Variants in SCHIP1 observed in about 807,000 individuals in gnomAD.
SCHIP1 encodes schwannomin-interacting protein 1.
Under a neutral mutation model 29.7 loss-of-function variants are expected in SCHIP1, and 8 were observed. That is an observed-to-expected ratio of 0.27 (90% CI 0.16 to 0.49). The LOEUF (loss-of-function observed/expected upper bound fraction) is 0.49, where lower values mean the gene tolerates loss of function less well. SCHIP1 is among the 20% of genes least tolerant of loss of function. SCHIP1 has a pLI of 0.99. For synonymous variants in SCHIP1, 76 were observed against 94.9 expected (o/e 0.80, Z 1.16); for missense variants, 193 against 294.6 (o/e 0.66, Z 2.52).
the SCHIP1 span, among the ~76,000 whole-genome samples, chr3:159,335,534 C>T: frequency 3.0e-4 from 45 of 152,248 alleles, no homozygotes; most frequent in African/African-American, 1.0e-3. Context: ...GGATGTTCCC[C>T]TTCCTGTGTC....
the SCHIP1 span, among the ~76,000 whole-genome samples, chr3:159,370,270 C>T: frequency 6.6e-6 from 1 of 152,164 alleles, no homozygotes; most frequent in Non-Finnish European, 1.5e-5. Context: ...CTCAGCCATG[C>T]TGGCCTCCAA....
the SCHIP1 span, among the ~76,000 whole-genome samples, chr3:159,360,905 C>A: frequency 1.3e-5 from 2 of 152,164 alleles, no homozygotes; most frequent in South Asian, 4.1e-4. Flanking sequence ...AAGAAGTGCT[C>A]CATCAGCTGC....
At chr3:159,295,913 A>G in the SCHIP1 span, among the ~76,000 whole-genome samples, 2 of 152,208 alleles carry the variant, frequency 1.3e-5, no homozygotes, top group Non-Finnish European at 2.9e-5. Flanking sequence ...TAATGTACAC[A>G]TATATGTCAA....
intron 1 of SCHIP1, among the ~76,000 whole-genome samples, chr3:159,856,197 C>T (rs549753869): frequency 6.6e-6 from 1 of 152,248 alleles, no homozygotes; most frequent in East Asian, 1.9e-4. Context: ...TGTCCTCATC[C>T]ATTCCACCAT....
At chr3:159,626,974 C>G in the SCHIP1 span, among the ~76,000 whole-genome samples, 1 of 152,184 alleles carries the variant, frequency 6.6e-6, no homozygotes, top group East Asian at 1.9e-4. Context: ...ATCAACCCAT[C>G]ATCTAGGTTT....
chr3:159,626,180 CTAGATAGATAGATAGA>C, the SCHIP1 span, among the ~76,000 whole-genome samples: 2 of 92,330 alleles, frequency 2.2e-5, no homozygotes, highest in South Asian at 3.0e-4. Context: ...ATCTATCTAT[CTAGATAGATAGATAGA>C]TAGATAGATA....
At chr3:159,487,918 G>A in the SCHIP1 span, among the ~76,000 whole-genome samples, 142 of 152,260 alleles carry the variant, frequency 9.3e-4, 1 homozygote, top group African/African-American at 3.3e-3. Flanking sequence ...ATGATAATTA[G>A]ACTTTATCTT....
the SCHIP1 span, among the ~76,000 whole-genome samples, chr3:159,428,874 T>C: frequency 5.3e-4 from 80 of 152,270 alleles, no homozygotes; most frequent in Non-Finnish European, 4.9e-4. Flanking sequence ...CCATAAAAAG[T>C]GATGAGTTCA....
the SCHIP1 span, among the ~76,000 whole-genome samples, chr3:159,821,097 AG>A: frequency 6.6e-6 from 1 of 152,248 alleles, no homozygotes; most frequent in Non-Finnish European, 1.5e-5. Context: ...GCAAAGGAGA[AG>A]CCTTTAATGA....
chr3:159,372,958 A>T, the SCHIP1 span, among the ~76,000 whole-genome samples: 2 of 151,980 alleles, frequency 1.3e-5, no homozygotes, highest in Admixed American at 6.6e-5. Context: ...AAGTTTGCTG[A>T]CTCCTGCTTT....
chr3:159,698,894 C>T, the SCHIP1 span, among the ~76,000 whole-genome samples: 15 of 152,238 alleles, frequency 9.9e-5, no homozygotes, highest in East Asian at 1.5e-3. Flanking sequence ...GATCTGCCTG[C>T]GTCGGCCTCC....
At chr3:159,664,380 G>A in the SCHIP1 span, among the ~76,000 whole-genome samples, 7 of 151,608 alleles carry the variant, frequency 4.6e-5, no homozygotes, top group South Asian at 2.1e-4. Context: ...TTAAGATTAC[G>A]GATTTTTTTA....
chr3:159,716,789 G>A, the SCHIP1 span, among the ~76,000 whole-genome samples: 5 of 152,064 alleles, frequency 3.3e-5, no homozygotes, highest in Non-Finnish European at 4.4e-5. Context: ...CAATAATAAC[G>A]GGAGACTTTA....
intron 6 of SCHIP1, chr3:159,892,447 G>C (rs1717636258): frequency 1.7e-6 from 1 of 585,406 alleles, no homozygotes. Flanking sequence ...CCTAAATCAG[G>C]TCTAGTTCTG....
the SCHIP1 span, among the ~76,000 whole-genome samples, chr3:159,328,735 G>T: frequency 6.6e-6 from 1 of 152,260 alleles, no homozygotes; most frequent in South Asian, 2.1e-4. Flanking sequence ...CAGGGGTCAA[G>T]ACTTGTCTTC....
the SCHIP1 span, among the ~76,000 whole-genome samples, chr3:159,514,802 C>T: frequency 1.3e-5 from 2 of 152,174 alleles, no homozygotes; most frequent in African/African-American, 4.8e-5. Context: ...TGCTTCCTAG[C>T]ATCTCCACTA....
chr3:159,750,898 C>CA, the SCHIP1 span, among the ~76,000 whole-genome samples: 17 of 87,204 alleles, frequency 1.9e-4, no homozygotes, highest in African/African-American at 5.2e-4. Flanking sequence ...ATTTTCCAAA[C>CA]AAACAAAAAA....
chr3:159,483,539 C>CA, the SCHIP1 span, among the ~76,000 whole-genome samples: 1,295 of 151,468 alleles, frequency 8.5e-3, 23 homozygotes, highest in Admixed American at 0.045. Context: ...ACATCAGTGA[C>CA]AAAAAAAATA....
At chr3:159,648,634 C>G in the SCHIP1 span, among the ~76,000 whole-genome samples, 13 of 152,178 alleles carry the variant, frequency 8.5e-5, no homozygotes, top group African/African-American at 2.9e-4. Context: ...GCACACACAC[C>G]CCCAAATCTA....
Sources: allele counts gnomAD v4.1 joint callset (sites outside exome capture counted in the v4.1 genomes callset), GRCh38; gene constraint gnomAD v4.1.1; transcripts MANE v1.5; gene names NCBI Gene and HGNC (gene_info 2026-07-23, HGNC 2026-07-21).